Variants in MALRD1 observed in about 807,000 individuals in gnomAD.
The protein encoded by MALRD1 is MAM and LDL receptor class A domain containing 1, also known as MAM and LDL-receptor class A domain-containing protein 1.
In MALRD1, 247 loss-of-function variants were observed where a neutral mutation model predicts 242.1. The observed-to-expected ratio is 1.02, with a 90% CI of 0.92 to 1.13. MALRD1 has a LOEUF of 1.13. MALRD1 is among the 50% of genes most tolerant of loss of function. The pLI is 0.00. For missense variants in MALRD1, 2,989 were observed against 2,533.1 expected, an observed-to-expected ratio of 1.18 and a Z score of -3.86; for synonymous variants, 995 against 866.6, an observed-to-expected ratio of 1.15 and a Z score of -2.60.
chr10:19,626,730 GA>G (rs577461299), intron 36 of MALRD1, among the ~76,000 whole-genome samples: 2,547 of 139,300 alleles, frequency 0.018, 63 homozygotes, highest in African/African-American at 0.054. Context: ...TAAATGGATA[GA>G]AAAAAAAAAA....
At chr10:19,074,042 A>T (rs895736754) in intron 2 of MALRD1, among the ~76,000 whole-genome samples, 1 of 152,140 alleles carries the variant, frequency 6.6e-6, no homozygotes, top group African/African-American at 2.4e-5. Context: ...TCAGGCGATG[A>T]CACAGAAGTC....
chr10:19,468,399 CAAAA>C (rs959630266), intron 29 of MALRD1, among the ~76,000 whole-genome samples: 3 of 151,736 alleles, frequency 2.0e-5, no homozygotes, highest in Non-Finnish European at 4.4e-5. Flanking sequence ...AGAAAGAAAA[CAAAA>C]AAGAAATGAA....
chr10:19,143,734 T>G (rs1173447003), intron 10 of MALRD1, among the ~76,000 whole-genome samples: 1 of 152,172 alleles, frequency 6.6e-6, no homozygotes, highest in Non-Finnish European at 1.5e-5. Context: ...TTTGGAACTT[T>G]GAAGCACATT....
chr10:19,383,295 C>T (rs1845916107), intron 26 of MALRD1, among the ~76,000 whole-genome samples: 1 of 152,118 alleles, frequency 6.6e-6, no homozygotes, highest in South Asian at 2.1e-4. Flanking sequence ...TAAGTGAGAA[C>T]ATACGGTATT....
rs117082409 is a variant in MALRD1 at position 19,306,883 on chromosome 10, A to G, written c.3420-17066A>G. On this transcript the variant is annotated intron_variant, in intron 21 of 39. Transcript: ENST00000454679. ...TCTCATTCACTATCAAGAGAACAGT[A>G]GCATGGGAGTAACTGTCCCCATGAT... Among the ~76,000 whole-genome samples, 378 of 151,540 alleles carry G rather than the reference A, an allele frequency of 2.5e-3. 1 individual carries two copies. Among genetic ancestry groups the G allele is most frequent in the Middle Eastern group, 6.8e-3 (2 of 294 alleles).
chr10:19,218,489 GT>G (rs1837424275), intron 18 of MALRD1, among the ~76,000 whole-genome samples: 1 of 152,114 alleles, frequency 6.6e-6, no homozygotes, highest in Non-Finnish European at 1.5e-5. Flanking sequence ...CTTCTGAGCA[GT>G]TGATGTTAAT....
At chr10:19,158,641 T>C (rs1399268822) in intron 12 of MALRD1, among the ~76,000 whole-genome samples, 5 of 152,236 alleles carry the variant, frequency 3.3e-5, no homozygotes, top group Non-Finnish European at 7.3e-5. Context: ...GCAACACATA[T>C]ATATTGCTTA....
intron 19 of MALRD1, among the ~76,000 whole-genome samples, chr10:19,267,199 G>T (rs1047888993): frequency 1.3e-5 from 2 of 151,812 alleles, no homozygotes; most frequent in African/African-American, 4.8e-5. Flanking sequence ...TCAGATATCA[G>T]CATGCACATT....
intron 34 of MALRD1, among the ~76,000 whole-genome samples, chr10:19,604,637 C>T (rs1414725904): frequency 1.3e-5 from 2 of 152,146 alleles, no homozygotes; most frequent in South Asian, 2.1e-4. Flanking sequence ...CACTGAACAA[C>T]GGATTTTCAG....
rs368873659 is a variant in MALRD1 at position 19,683,758 on chromosome 10, TTTTA to T, written c.6138-8508_6138-8505del. 1.1e-4 allele frequency among the ~76,000 whole-genome samples: 16 copies of T among 152,262 alleles called. No homozygotes were observed. The South Asian group carries it at 2.5e-3, about 24-fold the overall frequency. On this transcript the variant is annotated intron_variant, in intron 36 of 39. Transcript: ENST00000454679. Reference sequence around the variant, plus strand: ...ATTACAAATGATTTTTTATACATTCTTTTATTTATTTATTTATTTTACTTTAAGT... The same window carrying T: ...ATTACAAATGATTTTTTATACATTCTTTTATTTATTTATTTTACTTTAAGT...
intron 26 of MALRD1, among the ~76,000 whole-genome samples, chr10:19,358,756 G>T (rs1390499845): frequency 6.6e-6 from 1 of 151,940 alleles, no homozygotes; most frequent in Admixed American, 6.6e-5. Context: ...TACTTTTTTT[G>T]CCTCTCTTTA....
chr10:19,247,608 T>G (rs1050663802), intron 18 of MALRD1, among the ~76,000 whole-genome samples: 2 of 151,732 alleles, frequency 1.3e-5, no homozygotes, highest in African/African-American at 4.8e-5. Flanking sequence ...TCAAATACCA[T>G]TTTGGGAATC....
intron 29 of MALRD1, among the ~76,000 whole-genome samples, chr10:19,458,198 C>A (rs1347330963): frequency 6.6e-6 from 1 of 152,078 alleles, no homozygotes. Flanking sequence ...TACTTATTGG[C>A]AGGATGAAGT....
chr10:19,532,413 T>C (rs7071846), intron 32 of MALRD1, among the ~76,000 whole-genome samples: 106,284 of 151,924 alleles, frequency 0.7, 40,579 homozygotes, highest in Non-Finnish European at 0.84. Flanking sequence ...CATCACCACG[T>C]CCAGCTAATT....
intron 5 of MALRD1, among the ~76,000 whole-genome samples, chr10:19,117,149 G>A (rs1836899297): frequency 6.6e-6 from 1 of 151,332 alleles, no homozygotes; most frequent in Non-Finnish European, 1.5e-5. Flanking sequence ...GAAGAAGGGA[G>A]AATTAATATG....
At chr10:19,730,833 AACACAC>A (rs144880931) in intron 39 of MALRD1, 52 bp downstream of exon 39, 69 of 1,364,328 alleles carry the variant, frequency 5.1e-5, no homozygotes, top group Non-Finnish European at 6.6e-5. Context: ...CACACATACA[AACACAC>A]ACACACACAC....
chr10:19,387,913 T>A (rs1384854038), intron 27 of MALRD1, 140 bp downstream of exon 27: 2 of 1,118,020 alleles, frequency 1.8e-6, no homozygotes, highest in Non-Finnish European at 2.5e-6. Context: ...AGTGAGTGTT[T>A]TTTTTCTTAG....
chr10:19,279,788 A>C (rs1840713545), intron 19 of MALRD1, among the ~76,000 whole-genome samples: 1 of 152,158 alleles, frequency 6.6e-6, no homozygotes, highest in African/African-American at 2.4e-5. Flanking sequence ...TGGGCCTCCC[A>C]TTGATTTGGT....
At chr10:19,653,727 A>G (rs1840995921) in intron 36 of MALRD1, among the ~76,000 whole-genome samples, 1 of 152,038 alleles carries the variant, frequency 6.6e-6, no homozygotes, top group African/African-American at 2.4e-5. Flanking sequence ...TAAGCAGGTA[A>G]CTCAAAGGCA....
Sources: gnomAD v4.1 joint callset for allele counts (sites outside exome capture counted in the v4.1 genomes callset) on GRCh38, gnomAD v4.1.1 for gene constraint, MANE v1.5 for transcripts, NCBI Gene and HGNC (gene_info 2026-07-23, HGNC 2026-07-21) for gene names.